BARD1: variants seen among roughly 807,000 people sequenced by gnomAD.
BARD1 encodes the protein BRCA1 associated RING domain 1.
A neutral mutation model predicts 77.0 loss-of-function variants in BARD1; 73 were observed. The ratio of observed to expected loss-of-function variants is 0.95; its 90% confidence interval spans 0.79 to 1.15. The LOEUF is 1.15. Among genes scored for constraint, BARD1 ranks in the 50% most tolerant of loss-of-function variants. The pLI is 0.00. For synonymous variants in BARD1, 384 were observed against 338.0 expected (o/e 1.14, Z -1.49); for missense variants, 993 against 938.8 (o/e 1.06, Z -0.75).
At chr2:214,737,889 A>C (rs887123958) in intron 9 of BARD1, among the ~76,000 whole-genome samples, 1 of 152,196 alleles carries the variant, frequency 6.6e-6, no homozygotes, top group African/African-American at 2.4e-5. Flanking sequence ...CAGTTAATAA[A>C]GTCCATAATT....
chr2:214,734,039 C>A (rs1335322888), intron 9 of BARD1, among the ~76,000 whole-genome samples: 1 of 151,982 alleles, frequency 6.6e-6, no homozygotes, highest in African/African-American at 2.4e-5. Context: ...GATTTGCTTG[C>A]CAGAAAGATA....
At chr2:214,804,192 G>A (rs939257922) in intron 1 of BARD1, among the ~76,000 whole-genome samples, 4 of 152,162 alleles carry the variant, frequency 2.6e-5, no homozygotes, top group Admixed American at 6.5e-5. Context: ...TTTATCTTTA[G>A]AAGAATAAAG....
chr2:214,778,317 T>C (rs1471546296), intron 4 of BARD1, among the ~76,000 whole-genome samples: 1 of 151,154 alleles, frequency 6.6e-6, no homozygotes, highest in Admixed American at 6.6e-5. Context: ...ATTCAACTCA[T>C]AAAAAAATTT....
At chr2:214,785,041 A>C (rs1188570180) in intron 3 of BARD1, among the ~76,000 whole-genome samples, 16 of 150,846 alleles carry the variant, frequency 1.1e-4, no homozygotes, top group East Asian at 5.8e-4. Context: ...AAAAAGAAAG[A>C]AAGCCATTTG....
At chr2:214,797,828 A>G (rs1317324852) in intron 1 of BARD1, among the ~76,000 whole-genome samples, 1 of 152,220 alleles carries the variant, frequency 6.6e-6, no homozygotes, top group Non-Finnish European at 1.5e-5. Context: ...GTGTGTCTGC[A>G]GATAGAATGA....
rs1574821802 is a variant in BARD1 at position 214,781,495 on chromosome 2, T to C, written c.379A>G (p.Lys127Glu). ...TCATTAAACAAACTTTTCCTAGGTT[T>C]ATCTTCTTTCAAATCTGACAGAAAA... is the stretch of plus-strand genomic sequence containing the variant. ...DNELSDLKEDKPRKSLFNDAG... is the reference protein window; with the variant it reads ...DNELSDLKEDEPRKSLFNDAG... Residue 127 changes from lysine (K) to glutamate (E), a missense_variant, in exon 4 of 11, where the codon AAA becomes GAA. By Grantham distance (56) the Lys-to-Glu change is moderately conservative. Coordinates refer to ENST00000260947, the MANE Select transcript of BARD1 (RefSeq NM_000465.4). The C allele has an allele frequency of 6.2e-7, 1 of 1,611,030 alleles. No individual in the cohort carries two copies. Among genetic ancestry groups the C allele is most frequent in the Non-Finnish European group, 8.5e-7 (1 of 1,178,806 alleles).
At chr2:214,798,072 C>T (rs1487367482) in intron 1 of BARD1, among the ~76,000 whole-genome samples, 7 of 151,964 alleles carry the variant, frequency 4.6e-5, no homozygotes, top group African/African-American at 1.7e-4. Context: ...ATATTTACAC[C>T]ATTATTATTA....
At chr2:214,795,023 C>G (rs1363672061) in intron 2 of BARD1, among the ~76,000 whole-genome samples, 1 of 152,140 alleles carries the variant, frequency 6.6e-6, no homozygotes, top group Non-Finnish European at 1.5e-5. Flanking sequence ...CACACACAAA[C>G]CAACTTTGCA....
intron 9 of BARD1, among the ~76,000 whole-genome samples, chr2:214,735,835 A>G (rs1692543481): frequency 6.6e-6 from 1 of 152,164 alleles, no homozygotes; most frequent in African/African-American, 2.4e-5. Flanking sequence ...CTCCAAAAGC[A>G]GAGGTTTGTC....
intron 1 of BARD1, among the ~76,000 whole-genome samples, chr2:214,799,260 C>G (rs1277348029): frequency 2.0e-5 from 3 of 152,080 alleles, no homozygotes; most frequent in South Asian, 2.1e-4. Context: ...GAGATTACAC[C>G]CCTGCACTCC....
intron 3 of BARD1, among the ~76,000 whole-genome samples, chr2:214,785,759 G>A (rs1335072460): frequency 2.0e-5 from 3 of 151,594 alleles, no homozygotes; most frequent in Non-Finnish European, 2.9e-5. Flanking sequence ...CATTAGAAAC[G>A]GAGGAAAGTT....
At chr2:214,751,107 G>A (rs1407151252) in intron 7 of BARD1, among the ~76,000 whole-genome samples, 21 of 10,222 alleles carry the variant, frequency 2.1e-3, no homozygotes, top group South Asian at 4.4e-3. Context: ...GTGTGTGTGT[G>A]TGTGTGTGTG....
At chr2:214,739,679 G>A (rs2095481593) in intron 9 of BARD1, among the ~76,000 whole-genome samples, 1 of 151,894 alleles carries the variant, frequency 6.6e-6, no homozygotes, top group African/African-American at 2.4e-5. Context: ...ATGAAATAAA[G>A]GCTGAAAATA....
rs1060504193 is a variant in BARD1 at position 214,781,322 on chromosome 2, G to A, written c.552C>T (p.Ser184=). ...CAGAAACATCTGCAGGAGGACTTGG[G>A]GAAACAAATTCATATGAGTCTTGCT... ...SAQQDSYEFV[S]PSPPADVSER... The change falls in exon 4 of 11, where the codon TCC becomes TCT. Residue 184 remains serine, a synonymous_variant. Coordinates refer to ENST00000260947, the MANE Select transcript of BARD1 (RefSeq NM_000465.4). 1.2e-6 allele frequency: 2 copies of A among 1,612,758 alleles called. No individual in the cohort carries two copies. Among genetic ancestry groups the A allele is most frequent in the Non-Finnish European group, 1.7e-6 (2 of 1,179,750 alleles).
At chr2:214,786,950 T>C (rs1051781036) in intron 3 of BARD1, among the ~76,000 whole-genome samples, 1 of 151,970 alleles carries the variant, frequency 6.6e-6, no homozygotes, top group Non-Finnish European at 1.5e-5. Flanking sequence ...ACTTCTGATA[T>C]AATCTCAAGT....
At chr2:214,749,782 C>CT (rs55884068) in intron 7 of BARD1, among the ~76,000 whole-genome samples, 122 of 147,420 alleles carry the variant, frequency 8.3e-4, no homozygotes, top group East Asian at 2.4e-3. Flanking sequence ...AAAAAACAAC[C>CT]TTTTTTTTTT....
intron 1 of BARD1, among the ~76,000 whole-genome samples, chr2:214,800,691 A>C (rs961020744): frequency 1.3e-5 from 2 of 152,222 alleles, no homozygotes; most frequent in Non-Finnish European, 2.9e-5. Context: ...GAAACTTTCA[A>C]ACATCAAAGA....
chr2:214,805,760 G>A (rs113765895), intron 1 of BARD1, among the ~76,000 whole-genome samples: 38 of 147,754 alleles, frequency 2.6e-4, no homozygotes, highest in Non-Finnish European at 5.4e-4. Flanking sequence ...TCCTAAACAA[G>A]AACTCAGAAA....
chr2:214,803,279 G>GACCGTCCCCCAGCCCGAC (rs1280174961), intron 1 of BARD1, among the ~76,000 whole-genome samples: 1 of 152,070 alleles, frequency 6.6e-6, no homozygotes, highest in Non-Finnish European at 1.5e-5. Flanking sequence ...GGAAAGACCT[G>GACCGTCCCCCAGCCCGAC]ACCGTCCCCC....
Sources: gnomAD v4.1 joint callset for allele counts (sites outside exome capture counted in the v4.1 genomes callset) on GRCh38, gnomAD v4.1.1 for gene constraint, MANE v1.5 for transcripts, NCBI Gene and HGNC (gene_info 2026-07-23, HGNC 2026-07-21) for gene names.